The following KCNAB1 variants were observed in gnomAD, a reference collection of about 807,000 sequenced individuals.
KCNAB1 encodes the protein voltage-gated potassium channel subunit beta-1.
KCNAB1 carries 35 observed loss-of-function variants against 64.6 expected under a neutral mutation model. The ratio of observed to expected loss-of-function variants is 0.54; its 90% CI spans 0.41 to 0.72. The LOEUF is 0.72. Among genes scored for constraint, KCNAB1 ranks in the 30% least tolerant of loss-of-function variants. The pLI is 0.00. For missense variants in KCNAB1, 401 were observed against 512.9 expected (o/e 0.78, Z 2.11); for synonymous variants, 177 against 183.8 (o/e 0.96, Z 0.30).
At chr3:156,225,219 A>G (rs1716074845) in intron 1 of KCNAB1, among the ~76,000 whole-genome samples, 1 of 152,226 alleles carries the variant, frequency 6.6e-6, no homozygotes, top group South Asian at 2.1e-4. Flanking sequence ...AAGTTAATTT[A>G]CCATGATCAA....
intron 1 of KCNAB1, among the ~76,000 whole-genome samples, chr3:156,129,384 G>C (rs376287112): frequency 6.6e-6 from 1 of 152,270 alleles, no homozygotes; most frequent in East Asian, 1.9e-4. Context: ...ATACAGCTTA[G>C]CTTATTAAAG....
At chr3:156,534,933 A>T (rs1406799967) in intron 13 of KCNAB1, among the ~76,000 whole-genome samples, 1 of 151,982 alleles carries the variant, frequency 6.6e-6, no homozygotes, top group Non-Finnish European at 1.5e-5. Flanking sequence ...TTAATGTTTA[A>T]ATCTCTTTCC....
chr3:156,230,711 G>T (rs903627637), intron 1 of KCNAB1, among the ~76,000 whole-genome samples: 1 of 152,126 alleles, frequency 6.6e-6, no homozygotes, highest in African/African-American at 2.4e-5. Flanking sequence ...ATGAGATAAA[G>T]AATAGGAATG....
chr3:156,509,835 T>G lies in KCNAB1; in HGVS notation c.659-4529T>G, dbSNP rs539044634. ...GCCTAGGAGGCTTTTAAAAGGCATC[T>G]CCATGTTATGCACTTAACAGTATCT... On this transcript the variant is annotated intron_variant, in intron 8 of 13. Coordinates refer to ENST00000490337, the MANE Select transcript of KCNAB1 (RefSeq NM_172160.3). 2.0e-5 allele frequency among the ~76,000 whole-genome samples: 3 copies of G among 152,354 alleles called. No homozygotes were observed. In the South Asian group the frequency reaches 6.2e-4, roughly 32 times the overall value.
intron 1 of KCNAB1, among the ~76,000 whole-genome samples, chr3:156,187,354 T>C (rs182388295): frequency 2.0e-4 from 30 of 152,332 alleles, no homozygotes; most frequent in African/African-American, 6.7e-4. Flanking sequence ...TGTCCATTTG[T>C]CTTTTCTGAC....
intron 1 of KCNAB1, among the ~76,000 whole-genome samples, chr3:156,357,156 C>T (rs1396281046): frequency 9.3e-5 from 13 of 140,288 alleles, no homozygotes; most frequent in African/African-American, 2.6e-4. Flanking sequence ...CACACATGTG[C>T]GCGCACACAC....
intron 1 of KCNAB1, among the ~76,000 whole-genome samples, chr3:156,191,444 C>A (rs2108361513): frequency 6.6e-6 from 1 of 152,318 alleles, no homozygotes; most frequent in South Asian, 2.1e-4. Flanking sequence ...CTTGTATGGA[C>A]TTTTAAAATG....
In KCNAB1 at chr3:156,178,340, C is replaced by G. The variant is rs374883298; in HGVS notation, c.275+57454C>G. Among the ~76,000 whole-genome samples the G allele has an allele frequency of 3.3e-5, 5 of 152,334 alleles. No homozygotes were observed. In the South Asian group the frequency reaches 1.0e-3, roughly 32 times the overall value. On this transcript the variant is annotated intron_variant, in intron 1 of 13. Transcript: ENST00000490337. Reference sequence around the variant, plus strand: ...GGCAAGGAGACCTCTACAATGACCTCTGGCTCCAGCATTCTTTGATTCTGA... The same window carrying G: ...GGCAAGGAGACCTCTACAATGACCTGTGGCTCCAGCATTCTTTGATTCTGA...
chr3:156,335,726 G>A (rs955669014), intron 1 of KCNAB1, among the ~76,000 whole-genome samples: 2 of 151,998 alleles, frequency 1.3e-5, no homozygotes, highest in African/African-American at 2.4e-5. Flanking sequence ...TTCACCTGTC[G>A]TTTGGTATTT....
chr3:156,184,055 G>A (rs1000722821), intron 1 of KCNAB1, among the ~76,000 whole-genome samples: 4 of 152,132 alleles, frequency 2.6e-5, no homozygotes, highest in African/African-American at 7.2e-5. Flanking sequence ...AAATTGTGAC[G>A]CTCAGTAAAT....
intron 1 of KCNAB1, among the ~76,000 whole-genome samples, chr3:156,335,523 G>A (rs549172356): frequency 6.6e-6 from 1 of 152,266 alleles, no homozygotes; most frequent in African/African-American, 2.4e-5. Context: ...TACTCCTATT[G>A]CATGTCCTAG....
At chr3:156,250,834 G>A (rs1040044596) in intron 1 of KCNAB1, among the ~76,000 whole-genome samples, 1 of 152,238 alleles carries the variant, frequency 6.6e-6, no homozygotes, top group Non-Finnish European at 1.5e-5. Context: ...CTATCATCAG[G>A]TTAATGCTTT....
At chr3:156,417,217 A>AC (rs1463808281) in intron 1 of KCNAB1, among the ~76,000 whole-genome samples, 2 of 152,230 alleles carry the variant, frequency 1.3e-5, no homozygotes, top group African/African-American at 4.8e-5. Context: ...CATTTCTTAA[A>AC]AAAAACAAAC....
rs556930885 is a variant in KCNAB1 at position 156,530,543 on chromosome 3, G to A, written c.1082-866G>A. ...CTGGCTAAAGCCAGCTGGGAGGGAA[G>A]ACGTGAACGCATAGGGGCACCAGAC... On this transcript the variant is annotated intron_variant, in intron 12 of 13. Coordinates refer to ENST00000490337, the MANE Select transcript of KCNAB1 (RefSeq NM_172160.3). Among the ~76,000 whole-genome samples the A allele has an allele frequency of 2.6e-5, 4 of 152,280 alleles. No homozygotes were observed. In the South Asian group the frequency reaches 6.2e-4, roughly 24 times the overall value.
At chr3:156,479,100 A>G (rs1013016310) in intron 8 of KCNAB1, among the ~76,000 whole-genome samples, 21 of 152,048 alleles carry the variant, frequency 1.4e-4, no homozygotes, top group African/African-American at 4.8e-4. Flanking sequence ...CTTTCACAGC[A>G]TCTGCCATGC....
intron 1 of KCNAB1, among the ~76,000 whole-genome samples, chr3:156,387,674 T>C (rs1057100933): frequency 3.2e-4 from 49 of 152,190 alleles, no homozygotes; most frequent in Admixed American, 9.2e-4. Context: ...TAGAAAAATA[T>C]AGATTTTTCA....
intron 1 of KCNAB1, among the ~76,000 whole-genome samples, chr3:156,311,762 A>C (rs551998382): frequency 6.6e-6 from 1 of 152,198 alleles, no homozygotes; most frequent in Non-Finnish European, 1.5e-5. Flanking sequence ...AGTTATTCCA[A>C]ACCTCTGGTG....
chr3:156,132,180 T>C (rs558534319), intron 1 of KCNAB1, among the ~76,000 whole-genome samples: 47 of 152,304 alleles, frequency 3.1e-4, no homozygotes, highest in Middle Eastern at 3.4e-3. Flanking sequence ...AGGTATTCCT[T>C]TACTTTCAAT....
chr3:156,283,698 C>T (rs1268494990), intron 1 of KCNAB1, among the ~76,000 whole-genome samples: 3 of 152,042 alleles, frequency 2.0e-5, no homozygotes, highest in South Asian at 2.1e-4. Flanking sequence ...CTTCCCCTCT[C>T]GCTTCATTTC....
Sources: allele counts gnomAD v4.1 joint callset (sites outside exome capture counted in the v4.1 genomes callset), GRCh38; gene constraint gnomAD v4.1.1; transcripts MANE v1.5; gene names NCBI Gene and HGNC (gene_info 2026-07-23, HGNC 2026-07-21).